The following NFATC2 variants were observed in gnomAD, a reference collection of about 807,000 sequenced individuals.
NFATC2 encodes nuclear factor of activated T cells 2, also known as nuclear factor of activated T-cells, cytoplasmic 2.
Under a neutral mutation model 87.3 loss-of-function variants are expected in NFATC2, and 22 were observed. The ratio of observed to expected loss-of-function variants is 0.25; its 90% confidence interval spans 0.18 to 0.36. The LOEUF is 0.36. Ranked by LOEUF, NFATC2 falls within the 10% of genes least tolerant of loss-of-function variation. NFATC2 has a pLI of 1.00. For synonymous variants in NFATC2, 565 were observed against 542.2 expected, an observed-to-expected ratio of 1.04 and a Z score of -0.58; for missense variants, 1,149 against 1,259.1, an observed-to-expected ratio of 0.91 and a Z score of 1.32.
intron 1 of NFATC2, among the ~76,000 whole-genome samples, chr20:51,555,249 T>G (rs1179400307): frequency 6.6e-6 from 1 of 152,162 alleles, no homozygotes; most frequent in Non-Finnish European, 1.5e-5. Flanking sequence ...CTGCTGAACA[T>G]TCCCCCAGGG....
intron 2 of NFATC2, among the ~76,000 whole-genome samples, chr20:51,522,425 CAGA>C (rs2076461894): frequency 6.6e-6 from 1 of 152,142 alleles, no homozygotes; most frequent in Non-Finnish European, 1.5e-5. Context: ...AAGGCAGCAG[CAGA>C]GATGCCCGTG....
intron 5 of NFATC2, among the ~76,000 whole-genome samples, chr20:51,456,027 G>C (rs1044216014): frequency 1.8e-5 from 2 of 111,096 alleles, no homozygotes; most frequent in African/African-American, 6.9e-5. Context: ...TGGGTAGATG[G>C]ATGAATGGAT....
At chr20:51,464,015 G>A (rs1987415919) in intron 5 of NFATC2, among the ~76,000 whole-genome samples, 1 of 152,168 alleles carries the variant, frequency 6.6e-6, no homozygotes, top group Admixed American at 6.5e-5. Flanking sequence ...TCACTCATCA[G>A]GTGGCCCACC....
chr20:51,466,742 T>G (rs575252187), intron 5 of NFATC2, among the ~76,000 whole-genome samples: 1 of 152,140 alleles, frequency 6.6e-6, no homozygotes, highest in Non-Finnish European at 1.5e-5. Flanking sequence ...ATGACAAATT[T>G]GGCTTCATCA....
intron 9 of NFATC2, 54 bp from the exon 10 acceptor site, chr20:51,398,784 A>ATC: frequency 8.0e-7 from 1 of 1,252,624 alleles, no homozygotes; most frequent in Non-Finnish European, 1.2e-6. Context: ...ATCACCTTTG[A>ATC]TCTCTCTTAC....
chr20:51,543,523 G>A (rs941154552), upstream of NFATC2, among the ~76,000 whole-genome samples: 1 of 152,192 alleles, frequency 6.6e-6, no homozygotes, highest in African/African-American at 2.4e-5. Context: ...TTCTGGCAGT[G>A]AGAACCAAAA....
At chr20:51,541,677 T>C (rs543847423) in intron 1 of NFATC2, among the ~76,000 whole-genome samples, 1 of 152,266 alleles carries the variant, frequency 6.6e-6, no homozygotes, top group East Asian at 1.9e-4. Context: ...GAAGATCACT[T>C]AATATAGCTC....
intron 3 of NFATC2, among the ~76,000 whole-genome samples, chr20:51,481,338 G>A (rs139898080): frequency 3.9e-5 from 6 of 152,068 alleles, no homozygotes; most frequent in Non-Finnish European, 8.8e-5. Context: ...GGAGGCTTTG[G>A]GGCGGCCTTT....
At chr20:51,508,748 A>G (rs970987843) in intron 3 of NFATC2, among the ~76,000 whole-genome samples, 9 of 152,156 alleles carry the variant, frequency 5.9e-5, no homozygotes, top group Non-Finnish European at 1.3e-4. Context: ...CCAGACAGAC[A>G]GATGCCACCC....
chr20:51,465,446 T>A (rs529527512), intron 5 of NFATC2, among the ~76,000 whole-genome samples: 1 of 152,250 alleles, frequency 6.6e-6, no homozygotes, highest in African/African-American at 2.4e-5. Context: ...CTTCCCATCC[T>A]AATTAGAATA....
At chr20:51,538,735 C>T (rs2076760195) in intron 1 of NFATC2, among the ~76,000 whole-genome samples, 1 of 152,196 alleles carries the variant, frequency 6.6e-6, no homozygotes, top group Non-Finnish European at 1.5e-5. Flanking sequence ...TAACAGATCA[C>T]ATGCTGTGTT....
At chr20:51,561,091 T>A (rs1445027731) in intron 1 of NFATC2, among the ~76,000 whole-genome samples, 1 of 151,980 alleles carries the variant, frequency 6.6e-6, no homozygotes, top group African/African-American at 2.4e-5. Context: ...CTGTCTTCTG[T>A]CTGAGAGCAT....
chr20:51,477,583 A>AT (rs1988869241), intron 3 of NFATC2, among the ~76,000 whole-genome samples: 1 of 96,760 alleles, frequency 1.0e-5, no homozygotes, highest in Non-Finnish European at 2.5e-5. Context: ...ATATATATAA[A>AT]ATAACAAGAG....
At chr20:51,397,112 C>T (rs1242974893) in intron 10 of NFATC2, among the ~76,000 whole-genome samples, 3 of 152,152 alleles carry the variant, frequency 2.0e-5, no homozygotes, top group South Asian at 2.1e-4. Flanking sequence ...AGGCTGGTCT[C>T]GAACTCCTGA....
At chr20:51,416,809 C>T (rs1352474313) in intron 9 of NFATC2, among the ~76,000 whole-genome samples, 1 of 152,136 alleles carries the variant, frequency 6.6e-6, no homozygotes, top group Non-Finnish European at 1.5e-5. Flanking sequence ...TAAGGCCACA[C>T]CCCCAAGTTC....
chr20:51,478,146 T>C lies in NFATC2; in HGVS notation c.1333-2486A>G, dbSNP rs899965902. ...TTTCATAACCTGCCAGACACTTACATAAGTGTCTGACACACACCTGAGAGG... is the reference window on the plus strand; with the variant it reads ...TTTCATAACCTGCCAGACACTTACACAAGTGTCTGACACACACCTGAGAGG... On this transcript the variant is annotated intron_variant, in intron 3 of 10. Coordinates refer to ENST00000371564, the MANE Select transcript of NFATC2 (RefSeq NM_012340.5). Among the ~76,000 whole-genome samples the C allele has an allele frequency of 2.0e-5, 3 of 152,184 alleles. No individual in the cohort carries two copies. In the East Asian group the frequency reaches 5.8e-4, roughly 29 times the overall value.
chr20:51,469,442 G>A (rs1013818706), intron 5 of NFATC2, among the ~76,000 whole-genome samples: 4 of 152,144 alleles, frequency 2.6e-5, no homozygotes, highest in Non-Finnish European at 5.9e-5. Context: ...ATGCATTTGG[G>A]AACTGAGGAG....
chr20:51,410,588 AAAG>A (rs1487376140), intron 9 of NFATC2, among the ~76,000 whole-genome samples: 10 of 152,046 alleles, frequency 6.6e-5, no homozygotes, highest in Non-Finnish European at 1.3e-4. Flanking sequence ...GAGAGAGAAG[AAAG>A]AAGGTAATGA....
chr20:51,493,208 C>A (rs184759082), intron 3 of NFATC2, among the ~76,000 whole-genome samples: 1 of 152,200 alleles, frequency 6.6e-6, no homozygotes, highest in Non-Finnish European at 1.5e-5. Context: ...CACTCTGACT[C>A]TTTGACACAT....
Sources: allele counts gnomAD v4.1 joint callset (sites outside exome capture counted in the v4.1 genomes callset), GRCh38; gene constraint gnomAD v4.1.1; transcripts MANE v1.5; gene names NCBI Gene and HGNC (gene_info 2026-07-23, HGNC 2026-07-21).